The following LINGO2 variants were observed in gnomAD, a reference collection of about 807,000 sequenced individuals.
The protein encoded by LINGO2 is leucine-rich repeat and immunoglobulin-like domain-containing nogo receptor-interacting protein 2.
Under a neutral mutation model 30.6 loss-of-function variants are expected in LINGO2, and 14 were observed. That is an observed-to-expected ratio of 0.46 (90% confidence interval 0.30 to 0.72). The LOEUF (loss-of-function observed/expected upper bound fraction) is 0.72. Among genes scored for constraint, LINGO2 ranks in the 30% least tolerant of loss-of-function variants. The probability of loss-of-function intolerance (pLI) is 0.07; values close to 1 mark genes in which losing one functional copy is unlikely to be tolerated. For missense variants in LINGO2, 729 were observed against 751.7 expected (o/e 0.97, Z 0.35); for synonymous variants, 317 against 288.5 (o/e 1.10, Z -1.00).
intron 5 of LINGO2, among the ~76,000 whole-genome samples, chr9:27,972,487 G>T (rs1333074012): frequency 6.6e-6 from 1 of 152,092 alleles, no homozygotes; most frequent in Admixed American, 6.5e-5. Flanking sequence ...AACAACCTCA[G>T]TCCGTCATGA....
intron 4 of LINGO2, among the ~76,000 whole-genome samples, chr9:28,093,225 T>G (rs1826148265): frequency 6.6e-6 from 1 of 152,088 alleles, no homozygotes; most frequent in Non-Finnish European, 1.5e-5. Flanking sequence ...ATTTATACAG[T>G]GCGTTTTTCT....
chr9:28,236,331 A>T (rs1259338120), intron 4 of LINGO2, among the ~76,000 whole-genome samples: 2 of 152,190 alleles, frequency 1.3e-5, no homozygotes, highest in East Asian at 3.9e-4. Flanking sequence ...TGCTAAAGGG[A>T]TTTCTTCAAT....
rs1587155854 is a variant in LINGO2 at position 28,181,681 on chromosome 9, T to G, written c.-87+113527A>C. Among the ~76,000 whole-genome samples the G allele has an allele frequency of 2.0e-5, 3 of 152,296 alleles. No homozygotes were observed. The South Asian group carries it at 6.2e-4, about 32-fold the overall frequency. On this transcript the variant is annotated intron_variant, in intron 4 of 5. Coordinates refer to ENST00000379992, the Ensembl canonical transcript of LINGO2. The stretch of plus-strand genomic sequence containing the variant: ...CAGCTCATTGAAAGACTGTTTAGAT[T>G]TCTCTGACAGTGTCAGCAGCAGGGT...
intron 3 of LINGO2, among the ~76,000 whole-genome samples, chr9:28,307,278 T>C (rs1198739456): frequency 6.6e-6 from 1 of 152,074 alleles, no homozygotes; most frequent in Admixed American, 6.6e-5. Context: ...GTTCAATATA[T>C]GTAAATCAAT....
intron 4 of LINGO2, among the ~76,000 whole-genome samples, chr9:28,166,590 A>G (rs1216617551): frequency 6.6e-6 from 1 of 152,002 alleles, no homozygotes; most frequent in Non-Finnish European, 1.5e-5. Context: ...TACAAATCAA[A>G]TGCACAAAAA....
chr9:28,232,955 G>A (rs867092082), intron 4 of LINGO2, among the ~76,000 whole-genome samples: 4 of 148,054 alleles, frequency 2.7e-5, no homozygotes, highest in South Asian at 4.2e-4. Context: ...CTGGGGATGC[G>A]TTTAGACTTC....
At chr9:28,167,151 C>G (rs933334017) in intron 4 of LINGO2, among the ~76,000 whole-genome samples, 63 of 101,248 alleles carry the variant, frequency 6.2e-4, no homozygotes, top group African/African-American at 1.6e-3. Context: ...CCCCCCCCCC[C>G]ACTTTTCTTT....
chr9:29,184,543 C>T, the LINGO2 span, among the ~76,000 whole-genome samples: 2 of 152,090 alleles, frequency 1.3e-5, no homozygotes, highest in East Asian at 1.9e-4. Context: ...ATATATGTCT[C>T]TCTAGAAGGG....
chr9:28,105,383 A>G (rs998685178), intron 4 of LINGO2, among the ~76,000 whole-genome samples: 2 of 152,192 alleles, frequency 1.3e-5, no homozygotes, highest in African/African-American at 4.8e-5. Flanking sequence ...ATGATGAACA[A>G]GAAACAATAG....
intron 2 of LINGO2, among the ~76,000 whole-genome samples, chr9:28,403,653 CCTT>C (rs1164525381): frequency 4.3e-4 from 30 of 69,572 alleles, no homozygotes; most frequent in Admixed American, 4.3e-3. Flanking sequence ...CCACCCCTCT[CCTT>C]TTTTTTTTTT....
chr9:28,384,320 T>C (rs1010157909), intron 2 of LINGO2, among the ~76,000 whole-genome samples: 7 of 143,254 alleles, frequency 4.9e-5, no homozygotes, highest in Admixed American at 3.8e-4. Context: ...TTCTTTTCCA[T>C]GTTATGCACT....
intron 4 of LINGO2, among the ~76,000 whole-genome samples, chr9:28,088,644 A>C (rs969551819): frequency 1.3e-5 from 2 of 152,156 alleles, no homozygotes; most frequent in Admixed American, 6.6e-5. Flanking sequence ...AGCATGAAGA[A>C]ACTGTATCAA....
the LINGO2 span, among the ~76,000 whole-genome samples, chr9:28,843,702 C>T: frequency 6.6e-6 from 1 of 151,794 alleles, no homozygotes; most frequent in Admixed American, 6.5e-5. Context: ...TGTAAGCTCT[C>T]AGTAAATAGT....
chr9:28,638,452 A>C (rs1474571494), intron 1 of LINGO2, among the ~76,000 whole-genome samples: 1 of 152,056 alleles, frequency 6.6e-6, no homozygotes, highest in Non-Finnish European at 1.5e-5. Flanking sequence ...CTGGTCCTGG[A>C]CTTTTTTTAG....
At chr9:28,900,005 C>G in the LINGO2 span, among the ~76,000 whole-genome samples, 1 of 152,160 alleles carries the variant, frequency 6.6e-6, no homozygotes, top group South Asian at 2.1e-4. Context: ...AGCCCCGCAG[C>G]TCCAGGACTC....
the LINGO2 span, among the ~76,000 whole-genome samples, chr9:28,992,409 T>A: frequency 2.0e-5 from 3 of 150,830 alleles, no homozygotes; most frequent in South Asian, 6.3e-4. Context: ...TCCCACACAA[T>A]AATAATGGGA....
intron 1 of LINGO2, among the ~76,000 whole-genome samples, chr9:28,643,156 A>C (rs946311023): frequency 6.6e-6 from 1 of 152,206 alleles, no homozygotes; most frequent in South Asian, 2.1e-4. Context: ...TCAAAATATC[A>C]AAACCTTCTT....
chr9:28,682,266 GA>G, the LINGO2 span, among the ~76,000 whole-genome samples: 1 of 152,130 alleles, frequency 6.6e-6, no homozygotes, highest in East Asian at 1.9e-4. Context: ...TTGGCAGATG[GA>G]AAAAAGCTCA....
chr9:28,261,729 T>C (rs575735413), intron 4 of LINGO2, among the ~76,000 whole-genome samples: 1 of 152,008 alleles, frequency 6.6e-6, no homozygotes, highest in Admixed American at 6.6e-5. Context: ...AAGAGAACCA[T>C]GCAATTGCCC....
Sources: gnomAD v4.1 joint callset for allele counts (sites outside exome capture counted in the v4.1 genomes callset) on GRCh38, gnomAD v4.1.1 for gene constraint, MANE v1.5 for transcripts, NCBI Gene and HGNC (gene_info 2026-07-23, HGNC 2026-07-21) for gene names.